COL1A2: variants seen among roughly 807,000 people sequenced by gnomAD.
COL1A2 encodes collagen type I alpha 2 chain, also known as collagen alpha-2(I) chain.
In COL1A2, 49 loss-of-function variants were observed where a neutral mutation model predicts 174.3. That is an observed-to-expected ratio of 0.28 (90% CI 0.22 to 0.36). The LOEUF (loss-of-function observed/expected upper bound fraction) is 0.36. COL1A2 is among the 10% of genes least tolerant of loss of function. COL1A2 has a pLI of 1.00. For synonymous variants in COL1A2, 655 were observed against 606.6 expected (o/e 1.08, Z -1.17); for missense variants, 1,438 against 1,822.7 (o/e 0.79, Z 3.84).
At position 94,399,223 on chromosome 7, in the gene COL1A2, G is replaced by A. The variant is rs1791640428; in HGVS notation, c.132+139G>A. Reference sequence around the variant, plus strand: ...CCCTTTAAACAGGTAATGCACTGCAGAAGAAGCGAATGAGCATTATTATAT... The same window carrying A: ...CCCTTTAAACAGGTAATGCACTGCAAAAGAAGCGAATGAGCATTATTATAT... On this transcript the variant is annotated intron_variant, in intron 4 of 51. Coordinates refer to ENST00000297268, the MANE Select transcript of COL1A2 (RefSeq NM_000089.4). The A allele has an allele frequency of 1.9e-5, 14 of 723,896 alleles. No individual in the cohort carries two copies. The East Asian group carries it at 3.3e-4, about 17-fold the overall frequency. The allele number at this position is 723,896 out of a possible 1,614,324, so 44.8% of individuals were successfully genotyped here.
At chr7:94,398,137 G>A (rs79611086) in intron 2 of COL1A2, among the ~76,000 whole-genome samples, 1,960 of 152,160 alleles carry the variant, frequency 0.013, 37 homozygotes, top group African/African-American at 0.043. Context: ...TAGCTCATGA[G>A]TTGAATTTGA....
rs543810166 is a variant in COL1A2 at position 94,395,051 on chromosome 7, C to T, written c.20C>T (p.Thr7Met). ...CTAGACATGCTCAGCTTTGTGGATA[C>T]GCGGACTTTGTTGCTGCTTGCAGTA... MLSFVDTRTLLLLAVTL... is the reference protein window; with the variant it reads MLSFVDMRTLLLLAVTL... Residue 7 changes from threonine (T) to methionine (M), a missense_variant, in exon 1 of 52, where the codon ACG becomes ATG. By Grantham distance (81) the Thr-to-Met change is moderately conservative. This residue lies in a region of COL1A2 where 281 missense variants were observed against 310.9 expected (regional missense o/e 0.90). Transcript: ENST00000297268. 6.2e-7 allele frequency: 1 copy of T among 1,613,982 alleles called. No individual in the cohort carries two copies. Among genetic ancestry groups the T allele is most frequent in the South Asian group, 1.1e-5 (1 of 91,072 alleles).
At chr7:94,428,848 A>G (rs1217141362) in intron 50 of COL1A2, among the ~76,000 whole-genome samples, 2 of 152,176 alleles carry the variant, frequency 1.3e-5, no homozygotes, top group Non-Finnish European at 2.9e-5. Context: ...TGCCTACTGG[A>G]ATTCCATAAA....
chr7:94,412,969 G>A, intron 25 of COL1A2, 114 bp from the exon 26 acceptor site: 4 of 1,011,656 alleles, frequency 4.0e-6, no homozygotes, highest in Middle Eastern at 2.0e-4. Flanking sequence ...CACAGACTAG[G>A]GATCTCAAAA....
chr7:94,394,954 C>T lies in COL1A2; in HGVS notation c.-78C>T. 2 of 1,302,140 alleles carry T rather than the reference C, an allele frequency of 1.5e-6. No homozygotes were observed. Among genetic ancestry groups the T allele is most frequent in the Non-Finnish European group, 2.2e-6 (2 of 897,792 alleles). 80.7% of individuals were successfully genotyped at this position (1,302,140 alleles called of 1,614,324 possible). On this transcript the variant is annotated 5_prime_UTR_variant, in exon 1 of 52. Transcript: ENST00000297268. Reference sequence around the variant, plus strand: ...GAGGTACTGGCCACGACTGCATGCCCGCGCCCGCCAGGTGATACCTCCGCC... The same window carrying T: ...GAGGTACTGGCCACGACTGCATGCCTGCGCCCGCCAGGTGATACCTCCGCC...
At chr7:94,410,990 G>A (rs1791909038) in intron 22 of COL1A2, 48 bp downstream of exon 22, 2 of 1,610,466 alleles carry the variant, frequency 1.2e-6, no homozygotes, top group African/African-American at 1.3e-5. Context: ...GCTGCTTCTG[G>A]TGGTGGGTGT....
chr7:94,411,053 T>C lies in COL1A2; in HGVS notation c.1252-3T>C. ...TATCTGTTTTTTTTTTTTTTTTGAA[T>C]AGGGCCCTCCTGGTAGTCGTGGTGC... On this transcript the variant is annotated splice_polypyrimidine_tract_variant and splice_region_variant and intron_variant, in intron 22 of 51. Coordinates refer to ENST00000297268, the MANE Select transcript of COL1A2 (RefSeq NM_000089.4). The C allele has an allele frequency of 1.9e-6, 3 of 1,570,022 alleles. No individual in the cohort carries two copies. The highest frequency in any genetic ancestry group is 2.6e-6 in the Non-Finnish European group (3 of 1,148,536).
In COL1A2 at chr7:94,395,079, C is replaced by T. The variant is rs780687409; in HGVS notation, c.48C>T (p.Thr16=). 94 of 1,613,874 alleles carry T rather than the reference C, an allele frequency of 5.8e-5. No homozygotes were observed. In the Admixed American group the frequency reaches 1.0e-3, roughly 17 times the overall value. The change falls in exon 1 of 52, where the codon ACC becomes ACT. Residue 16 remains threonine, a synonymous_variant. Transcript: ENST00000297268. ...GGACTTTGTTGCTGCTTGCAGTAAC[C>T]TTATGCCTAGCAACATGCCAATGTA... The part of the protein sequence containing the change: ...DTRTLLLLAV[T]LCLATCQSLQ...
chr7:94,399,208 AG>A, intron 4 of COL1A2, 124 bp downstream of exon 4: 1 of 847,750 alleles, frequency 1.2e-6, no homozygotes. Context: ...CCCTTTAAAC[AG>A]GTAATGCACT....
At chr7:94,409,111 A>C (rs1023253234) in intron 16 of COL1A2, among the ~76,000 whole-genome samples, 1 of 152,164 alleles carries the variant, frequency 6.6e-6, no homozygotes, top group Non-Finnish European at 1.5e-5. Context: ...AGAGAGACAG[A>C]AGGAGAGGGA....
chr7:94,405,515 A>G (rs1017513561), intron 10 of COL1A2, among the ~76,000 whole-genome samples, 158 bp from the exon 11 acceptor site: 3 of 152,242 alleles, frequency 2.0e-5, no homozygotes, highest in Non-Finnish European at 4.4e-5. Context: ...AGTTACTCAC[A>G]TTAGAGCAAG....
chr7:94,418,144 A>G (rs1247836473), intron 32 of COL1A2, among the ~76,000 whole-genome samples: 2 of 152,192 alleles, frequency 1.3e-5, no homozygotes, highest in Non-Finnish European at 2.9e-5. Flanking sequence ...GCTGTCAACC[A>G]TGCTGCTGCA....
intron 1 of COL1A2, among the ~76,000 whole-genome samples, 169 bp from the exon 2 acceptor site, chr7:94,397,579 T>C (rs899980815): frequency 6.6e-6 from 1 of 152,138 alleles, no homozygotes; most frequent in African/African-American, 2.4e-5. Flanking sequence ...TGCCATACTT[T>C]TGACCTGCAT....
chr7:94,425,489 C>G, intron 42 of COL1A2, 121 bp from the exon 43 acceptor site: 2 of 1,074,386 alleles, frequency 1.9e-6, no homozygotes, highest in Non-Finnish European at 2.9e-6. Context: ...CTAGTTTTAA[C>G]AGTCTGAAAG....
At chr7:94,420,163 T>C in intron 34 of COL1A2, 70 bp from the exon 35 acceptor site, 1 of 1,599,260 alleles carries the variant, frequency 6.3e-7, no homozygotes, top group Non-Finnish European at 8.6e-7. Context: ...ACCACTGTTC[T>C]CTCTCCCTCC....
rs1426101382 is a variant in COL1A2, at chr7:94,414,292, A to G, written c.1719+17A>G. Reference sequence around the variant, plus strand: ...GGAGAAAGGGTGAGTAAAACAAGTAATAGTAAGTAGTAACTACTAAACTTG... The same window carrying G: ...GGAGAAAGGGTGAGTAAAACAAGTAGTAGTAAGTAGTAACTACTAAACTTG... On this transcript the variant is annotated intron_variant, in intron 29 of 51. Coordinates refer to ENST00000297268, the MANE Select transcript of COL1A2 (RefSeq NM_000089.4). 6.2e-7 allele frequency: 1 copy of G among 1,611,816 alleles called. No individual in the cohort carries two copies. Among genetic ancestry groups the G allele is most frequent in the Non-Finnish European group, 8.5e-7 (1 of 1,177,900 alleles).
chr7:94,404,786 A>G (rs1791761801), intron 8 of COL1A2, 40 bp downstream of exon 8: 1 of 1,613,996 alleles, frequency 6.2e-7, no homozygotes, highest in African/African-American at 1.3e-5. Flanking sequence ...GTTTTTTTCC[A>G]GGAAGTTTAT....
chr7:94,407,479 T>A (rs568154642), intron 12 of COL1A2, among the ~76,000 whole-genome samples: 1 of 152,310 alleles, frequency 6.6e-6, no homozygotes, highest in East Asian at 1.9e-4. Flanking sequence ...CACTGAGTGT[T>A]CAAAATAACT....
chr7:94,410,484 G>C lies in COL1A2; in HGVS notation c.1154G>C (p.Gly385Ala). Residue 385 changes from glycine (G) to alanine (A), a missense_variant, in exon 21 of 52, where the codon GGG becomes GCG. Physicochemically the swap from Gly to Ala is moderately conservative, Grantham distance 60. Transcript: ENST00000297268. ...SGEEGKRGPN[G>A]EAGSAGPPGP... Reference sequence around the variant, plus strand: ...GAAGAAGGAAAGAGAGGCCCTAATGGGGAAGCTGGATCTGCCGGCCCTCCA... The same window carrying C: ...GAAGAAGGAAAGAGAGGCCCTAATGCGGAAGCTGGATCTGCCGGCCCTCCA... 6.5e-7 allele frequency: 1 copy of C among 1,550,250 alleles called. No homozygotes were observed. The highest frequency in any genetic ancestry group is 2.4e-5 in the East Asian group (1 of 40,936).
Sources: gnomAD v4.1 joint callset for allele counts (sites outside exome capture counted in the v4.1 genomes callset) on GRCh38, gnomAD v4.1.1 for gene constraint, gnomAD v4.1.1 regional missense constraint, MANE v1.5 for transcripts, NCBI Gene and HGNC (gene_info 2026-07-23, HGNC 2026-07-21) for gene names.